NGLY1: variants seen among roughly 807,000 people sequenced by gnomAD.
The protein encoded by NGLY1 is peptide-N(4)-(N-acetyl-beta-glucosaminyl)asparagine amidase.
Under a neutral mutation model 84.6 loss-of-function variants are expected in NGLY1, and 68 were observed. That is an observed-to-expected ratio of 0.80 (90% CI 0.66 to 0.98). The LOEUF (loss-of-function observed/expected upper bound fraction) is 0.98, where lower values mean the gene tolerates loss of function less well. Among genes scored for constraint, NGLY1 ranks in the 50% least tolerant of loss-of-function variants. The pLI, the probability that NGLY1 is intolerant of heterozygous loss-of-function variation, is 0.00. For missense variants in NGLY1, 779 were observed against 770.2 expected (o/e 1.01, Z -0.14); for synonymous variants, 280 against 275.2 (o/e 1.02, Z -0.17).
At chr3:25,773,934 TAG>T (rs1010864161) in intron 2 of NGLY1, among the ~76,000 whole-genome samples, 5 of 152,174 alleles carry the variant, frequency 3.3e-5, no homozygotes, top group African/African-American at 4.8e-5. Context: ...GAACTGGTAT[TAG>T]AGAGTGTCTG....
chr3:25,788,707 G>C (rs978807624), intron 1 of NGLY1, among the ~76,000 whole-genome samples: 1 of 152,174 alleles, frequency 6.6e-6, no homozygotes, highest in African/African-American at 2.4e-5. Context: ...AAGAGATCAA[G>C]TTTAGGTACT....
intron 2 of NGLY1, among the ~76,000 whole-genome samples, chr3:25,765,513 G>A (rs979404545): frequency 6.6e-6 from 1 of 150,564 alleles, no homozygotes; most frequent in African/African-American, 2.4e-5. Flanking sequence ...CAGATCATGA[G>A]CATTTAAATT....
chr3:25,719,938 C>G, intron 11 of NGLY1, 76 bp downstream of exon 11: 1 of 1,274,420 alleles, frequency 7.8e-7, no homozygotes. Flanking sequence ...AAAAGAGCTA[C>G]ATCTCAAATA....
At chr3:25,741,277 T>C (rs1386321592) in intron 4 of NGLY1, among the ~76,000 whole-genome samples, 3 of 152,064 alleles carry the variant, frequency 2.0e-5, no homozygotes, top group South Asian at 2.1e-4. Context: ...AAAACTCTAA[T>C]ATTTAAAACA....
intron 3 of NGLY1, among the ~76,000 whole-genome samples, chr3:25,756,420 A>G (rs946597073): frequency 6.6e-6 from 1 of 152,048 alleles, no homozygotes; most frequent in African/African-American, 2.4e-5. Context: ...TTTTCACTCT[A>G]TGTCAGAACA....
chr3:25,720,453 C>A (rs1250227235), intron 10 of NGLY1, among the ~76,000 whole-genome samples: 2 of 152,140 alleles, frequency 1.3e-5, no homozygotes, highest in African/African-American at 4.8e-5. Flanking sequence ...TGCATTCTAA[C>A]CAAATTTTGG....
intron 2 of NGLY1, among the ~76,000 whole-genome samples, chr3:25,772,371 T>C (rs186889933): frequency 3.9e-5 from 6 of 152,356 alleles, no homozygotes; most frequent in Admixed American, 2.6e-4. Flanking sequence ...GTTTTCCTGT[T>C]GGACTAGCCC....
At chr3:25,789,282 G>A (rs1708670500) in intron 1 of NGLY1, among the ~76,000 whole-genome samples, 1 of 151,958 alleles carries the variant, frequency 6.6e-6, no homozygotes, top group South Asian at 2.1e-4. Context: ...TCTCAAATCT[G>A]GTGATAATTT....
In NGLY1 at chr3:25,749,519, A is replaced by T; in HGVS notation, c.658+1579T>A. The T allele has an allele frequency of 3.2e-6, 5 of 1,580,870 alleles. No homozygotes were observed. The African/African-American group carries it at 6.7e-5, about 21-fold the overall frequency. ...GCCCTCAGACCCCTTGTGAAGCCCA[A>T]GATCATCAAAAAGAGAACCAAGAAG... On this transcript the variant is annotated intron_variant, in intron 4 of 11. Coordinates refer to ENST00000280700, the MANE Select transcript of NGLY1 (RefSeq NM_018297.4).
At chr3:25,755,432 A>G (rs1276616645) in intron 3 of NGLY1, 9 of 1,458,392 alleles carry the variant, frequency 6.2e-6, no homozygotes, top group African/African-American at 5.6e-5. Flanking sequence ...TGTCCCAAAT[A>G]AAGTTTCAAC....
intron 1 of NGLY1, among the ~76,000 whole-genome samples, chr3:25,780,142 G>C (rs1463386622): frequency 1.3e-5 from 2 of 152,124 alleles, no homozygotes; most frequent in Admixed American, 6.5e-5. Context: ...AATCACAGAT[G>C]GTTGTGAAAT....
intron 3 of NGLY1, among the ~76,000 whole-genome samples, chr3:25,759,511 T>G (rs2125535398): frequency 6.6e-6 from 1 of 152,290 alleles, no homozygotes; most frequent in Non-Finnish European, 1.5e-5. Context: ...CATTGTAGTT[T>G]TAATGGCACT....
At chr3:25,733,738 A>T (rs896740048) in intron 8 of NGLY1, 134 bp downstream of exon 8, 7 of 459,518 alleles carry the variant, frequency 1.5e-5, no homozygotes, top group African/African-American at 1.2e-4. Flanking sequence ...TTTAATATTC[A>T]AAAAGAATAT....
Position 25,754,365 on chromosome 3 carries a change from G to C in NGLY1, c.493-3102C>G, listed in dbSNP as rs79972444. ...AAGACCATTCCTGTCAGAAGGAACA[G>C]CACAAAGGTAGATGGGGATTGCTTA... On this transcript the variant is annotated intron_variant, in intron 3 of 11. Coordinates refer to ENST00000280700, the MANE Select transcript of NGLY1 (RefSeq NM_018297.4). Among the ~76,000 whole-genome samples the C allele has an allele frequency of 4.7e-3, 723 of 152,312 alleles. 6 individuals carry two copies. Among genetic ancestry groups the C allele is most frequent in the African/African-American group, 0.016 (685 of 41,574 alleles).
At chr3:25,722,605 A>C (rs1476927714) in intron 10 of NGLY1, among the ~76,000 whole-genome samples, 3 of 152,214 alleles carry the variant, frequency 2.0e-5, no homozygotes, top group Non-Finnish European at 2.9e-5. Context: ...AAATGTTCTT[A>C]AACTACTCAG....
intron 10 of NGLY1, among the ~76,000 whole-genome samples, chr3:25,725,047 TA>T (rs1226409329): frequency 1.3e-5 from 2 of 152,216 alleles, no homozygotes; most frequent in African/African-American, 4.8e-5. Context: ...TTATGGGTCA[TA>T]AAACCCCTAT....
chr3:25,719,246 C>T lies in NGLY1; in HGVS notation c.*214G>A. 2.6e-6 allele frequency: 1 copy of T among 389,262 alleles called. No homozygotes were observed. Among genetic ancestry groups the T allele is most frequent in the East Asian group, 3.8e-5 (1 of 26,540 alleles). The allele number at this position is 389,262 out of a possible 1,614,324, so 24.1% of individuals were successfully genotyped here. The stretch of plus-strand genomic sequence containing the variant: ...CATATTGAGTCAACAAGACTTTACT[C>T]CAAATTATAGTCACATATGGAAGAA... On this transcript the variant is annotated 3_prime_UTR_variant, in exon 12 of 12. Coordinates refer to ENST00000280700, the MANE Select transcript of NGLY1 (RefSeq NM_018297.4).
At chr3:25,776,163 T>C (rs1478006307) in intron 2 of NGLY1, among the ~76,000 whole-genome samples, 3 of 152,228 alleles carry the variant, frequency 2.0e-5, no homozygotes, top group Non-Finnish European at 4.4e-5. Flanking sequence ...CAAGTCTCAG[T>C]GTGGCCTGTT....
chr3:25,788,502 G>T (rs1708650588), intron 1 of NGLY1, among the ~76,000 whole-genome samples: 2 of 152,186 alleles, frequency 1.3e-5, no homozygotes, highest in African/African-American at 4.8e-5. Flanking sequence ...CCAGATCAAA[G>T]AAAAGGTGAT....
Sources: gnomAD v4.1 joint callset for allele counts (sites outside exome capture counted in the v4.1 genomes callset) on GRCh38, gnomAD v4.1.1 for gene constraint, MANE v1.5 for transcripts, NCBI Gene and HGNC (gene_info 2026-07-23, HGNC 2026-07-21) for gene names.